Variants in DNAH11 observed in about 807,000 individuals in gnomAD.
The protein encoded by DNAH11 is dynein axonemal heavy chain 11, also known as axonemal beta dynein heavy chain 11.
A neutral mutation model predicts 526.0 loss-of-function variants in DNAH11; 442 were observed. The ratio of observed to expected loss-of-function variants is 0.84; its 90% confidence interval spans 0.78 to 0.91. The LOEUF (loss-of-function observed/expected upper bound fraction) is 0.91. Among genes scored for constraint, DNAH11 ranks in the 40% least tolerant of loss-of-function variants. The pLI is 0.00. For synonymous variants in DNAH11, 2,461 were observed against 1,935.9 expected, an observed-to-expected ratio of 1.27 and a Z score of -7.12; for missense variants, 6,989 against 5,448.7, an observed-to-expected ratio of 1.28 and a Z score of -8.90.
chr7:21,901,821 A>G lies in DNAH11; in HGVS notation c.*567A>G, dbSNP rs12700325. 0.2 allele frequency: 33,586 copies of G among 165,784 alleles called. 4,016 individuals carry two copies. The highest frequency in any genetic ancestry group is 0.27 in the Non-Finnish European group (20,225 of 75,326). The allele number at this position is 165,784 out of a possible 1,614,324, so 10.3% of individuals were successfully genotyped here. A position where few individuals can be genotyped will look rare whatever the true frequency, so the allele number is the denominator to read the frequency against. On this transcript the variant is annotated 3_prime_UTR_variant, in exon 82 of 82. Transcript: ENST00000409508. ...TGTTCAGTCAAGTTTTAATAAAAAT[A>G]AAACTGTTCTACAGTTAATTGCACT...
chr7:21,708,759 G>A (rs905344809), intron 40 of DNAH11, among the ~76,000 whole-genome samples: 8 of 152,092 alleles, frequency 5.3e-5, no homozygotes, highest in Middle Eastern at 6.8e-3. Context: ...TCCTGCCGTC[G>A]GCAACACTCT....
chr7:21,856,670 T>G (rs561595182), intron 68 of DNAH11, among the ~76,000 whole-genome samples: 2 of 152,240 alleles, frequency 1.3e-5, no homozygotes, highest in South Asian at 4.1e-4. Context: ...ATCAAATTGG[T>G]TTAACATTCA....
At chr7:21,678,085 CTTGT>C (rs1192618001) in intron 30 of DNAH11, among the ~76,000 whole-genome samples, 1 of 149,744 alleles carries the variant, frequency 6.7e-6, no homozygotes, top group Non-Finnish European at 1.5e-5. Context: ...ATATAGTTCA[CTTGT>C]TTATTTTTTA....
Position 21,639,067 on chromosome 7 carries a change from T to A in DNAH11, c.4944+2T>A. On this transcript the variant is annotated splice_donor_variant, in intron 28 of 81. Transcript: ENST00000409508. LOFTEE classifies it high-confidence loss of function. The stretch of plus-strand genomic sequence containing the variant: ...TCAAAAGGAGCTCAGCCTAAACAGG[T>A]AATATTTTTTTTGAAAGTCTCGTAT... 1 of 1,607,010 alleles carries A rather than the reference T, an allele frequency of 6.2e-7. No individual in the cohort carries two copies. The highest frequency in any genetic ancestry group is 1.1e-5 in the South Asian group (1 of 89,208).
At chr7:21,643,601 G>A (rs913948797) in intron 28 of DNAH11, among the ~76,000 whole-genome samples, 1 of 152,126 alleles carries the variant, frequency 6.6e-6, no homozygotes, top group Non-Finnish European at 1.5e-5. Flanking sequence ...GTAATGAATT[G>A]CAATTGATTT....
intron 7 of DNAH11, among the ~76,000 whole-genome samples, chr7:21,571,586 G>A (rs935875447): frequency 6.6e-6 from 1 of 152,130 alleles, no homozygotes; most frequent in African/African-American, 2.4e-5. Context: ...GCCAGTGAGA[G>A]TTAATTTTTA....
At chr7:21,881,660 T>C (rs949234386) in intron 75 of DNAH11, among the ~76,000 whole-genome samples, 3 of 152,230 alleles carry the variant, frequency 2.0e-5, no homozygotes, top group African/African-American at 7.2e-5. Flanking sequence ...TGTTGTACTC[T>C]AGGCCACATT....
chr7:21,720,678 C>T (rs1292127565), intron 43 of DNAH11, 47 bp from the exon 44 acceptor site: 2 of 1,512,806 alleles, frequency 1.3e-6, no homozygotes, highest in Middle Eastern at 1.9e-4. Context: ...TTGAACTTCA[C>T]TATTTTAAAA....
At chr7:21,844,496 C>T (rs939336559) in intron 66 of DNAH11, among the ~76,000 whole-genome samples, 8 of 152,144 alleles carry the variant, frequency 5.3e-5, no homozygotes, top group African/African-American at 1.9e-4. Flanking sequence ...TGCTTTTGCA[C>T]TATAATGGCA....
At chr7:21,708,438 A>G (rs1228338534) in intron 40 of DNAH11, among the ~76,000 whole-genome samples, 1 of 152,294 alleles carries the variant, frequency 6.6e-6, no homozygotes, top group South Asian at 2.1e-4. Flanking sequence ...TGAAGCTGCC[A>G]TCATGTCTCG....
At chr7:21,574,423 G>C (rs1405440284) in intron 8 of DNAH11, among the ~76,000 whole-genome samples, 1 of 152,090 alleles carries the variant, frequency 6.6e-6, no homozygotes, top group Non-Finnish European at 1.5e-5. Flanking sequence ...CCCAGAGAGT[G>C]GTCCCGCAGG....
Position 21,601,012 on chromosome 7 carries a change from T to A in DNAH11, c.3258T>A (p.Ile1086=). 7 of 1,610,844 alleles carry A rather than the reference T, an allele frequency of 4.3e-6. No homozygotes were observed. The highest frequency in any genetic ancestry group is 5.9e-6 in the Non-Finnish European group (7 of 1,179,284). The change falls in exon 17 of 82, where the codon ATT becomes ATA. Residue 1086 remains isoleucine (I), a splice_region_variant and synonymous_variant. Transcript: ENST00000409508. ...AATTAATCTTTTTCTCACTACAGAT[T>A]GACATTTATGAAGCTTTGTATGTTC... ...PPTLEQFKEQ[I]DIYEALYVQM...
At chr7:21,548,069 T>A (rs1782871023) in intron 2 of DNAH11, among the ~76,000 whole-genome samples, 1 of 152,198 alleles carries the variant, frequency 6.6e-6, no homozygotes, top group African/African-American at 2.4e-5. Context: ...TACCTTTTCA[T>A]TTTTTAAAGC....
intron 38 of DNAH11, among the ~76,000 whole-genome samples, chr7:21,705,001 G>C (rs986008973): frequency 6.6e-6 from 1 of 152,220 alleles, no homozygotes; most frequent in East Asian, 1.9e-4. Flanking sequence ...ATGACAACAT[G>C]TATGAGAATA....
intron 63 of DNAH11, among the ~76,000 whole-genome samples, chr7:21,813,990 C>G (rs1789650335): frequency 6.6e-6 from 1 of 152,160 alleles, no homozygotes; most frequent in Non-Finnish European, 1.5e-5. Flanking sequence ...TTGCATAGAC[C>G]TAGATGAGAC....
chr7:21,651,772 A>G (rs1781784669), intron 28 of DNAH11, among the ~76,000 whole-genome samples: 1 of 152,248 alleles, frequency 6.6e-6, no homozygotes, highest in South Asian at 2.1e-4. Flanking sequence ...TTCAGCTACT[A>G]TGGTAAATTA....
At position 21,835,548 on chromosome 7, in the gene DNAH11, C is replaced by A. The variant is rs114499787; in HGVS notation, c.10692-6996C>A. On this transcript the variant is annotated intron_variant, in intron 65 of 81. Transcript: ENST00000409508. ...TTTCAATCAACACAGAAAACAGCTT[C>A]GATAAAATTCAAGATCCTTTCATGA... Among the ~76,000 whole-genome samples the A allele has an allele frequency of 9.3e-3, 1,415 of 152,032 alleles. 22 individuals carry two copies. Among genetic ancestry groups the A allele is most frequent in the African/African-American group, 0.033 (1,349 of 41,498 alleles).
intron 6 of DNAH11, among the ~76,000 whole-genome samples, chr7:21,567,727 C>T (rs978337678): frequency 4.6e-5 from 7 of 152,200 alleles, no homozygotes; most frequent in Admixed American, 3.9e-4. Context: ...CAGTCAGAGT[C>T]GGAAACTCTT....
chr7:21,771,843 G>GC (rs1562536559), intron 55 of DNAH11, among the ~76,000 whole-genome samples: 1 of 134,016 alleles, frequency 7.5e-6, no homozygotes, highest in African/African-American at 2.5e-5. Context: ...CTCCCCCAAC[G>GC]CCCCCCACAA....
Sources: allele counts gnomAD v4.1 joint callset (sites outside exome capture counted in the v4.1 genomes callset), GRCh38; gene constraint gnomAD v4.1.1; transcripts MANE v1.5; gene names NCBI Gene and HGNC (gene_info 2026-07-23, HGNC 2026-07-21).